The following LHX3 variants were observed in gnomAD, a reference collection of about 807,000 sequenced individuals.
LHX3 encodes LIM/homeobox protein Lhx3.
LHX3 carries 21 observed loss-of-function variants against 32.4 expected under a neutral mutation model. That is an observed-to-expected ratio of 0.65 (90% CI 0.46 to 0.93). The LOEUF (loss-of-function observed/expected upper bound fraction) is 0.93. LHX3 is among the 40% of genes least tolerant of loss of function. The pLI is 0.00. For synonymous variants in LHX3, 258 were observed against 246.8 expected (o/e 1.05, Z -0.43); for missense variants, 626 against 560.0 (o/e 1.12, Z -1.19).
In LHX3 at chr9:136,199,678, C is replaced by G. The variant is rs759511954; in HGVS notation, c.454G>C (p.Glu152Gln). 2.5e-6 allele frequency: 4 copies of G among 1,612,694 alleles called. No homozygotes were observed. The highest frequency in any genetic ancestry group is 2.5e-6 in the Non-Finnish European group (3 of 1,179,800). ...TGGGAGCGTCGTCCCCTCGGCTGAC[C>G]TCGCTGCTTGGCGGTTTCGTAGTCC... ...KADYETAKQR[E>Q]AEATAKRPRT... The change falls in exon 3 of 6, where the codon GAG (glutamate) becomes CAG (glutamine). Residue 152 changes from glutamate to glutamine, a missense_variant and splice_region_variant. Glu to Gln is a conservative substitution (Grantham distance 29). Coordinates refer to ENST00000371748, the MANE Select transcript of LHX3 (RefSeq NM_178138.6).
In LHX3 at chr9:136,196,974, T is replaced by G. The variant is rs1429344318; in HGVS notation, c.*351A>C. On this transcript the variant is annotated 3_prime_UTR_variant, in exon 6 of 6. Transcript: ENST00000371748. ...TCAGTTTTAGAGATGAAAGCGTTTT[T>G]CCAGCCCTCGGGCTATGCTGGGCTG... is the stretch of plus-strand genomic sequence containing the variant. The G allele has an allele frequency of 2.8e-6, 1 of 360,168 alleles. No homozygotes were observed. Among genetic ancestry groups the G allele is most frequent in the Non-Finnish European group, 5.1e-6 (1 of 196,274 alleles). 22.3% of individuals were successfully genotyped at this position (360,168 alleles called of 1,614,324 possible). A position where few individuals can be genotyped will look rare whatever the true frequency, so the allele number is the denominator to read the frequency against.
At chr9:136,198,221 A>AAGGGT (rs1224916245) in intron 5 of LHX3, among the ~76,000 whole-genome samples, 2 of 152,130 alleles carry the variant, frequency 1.3e-5, no homozygotes, top group African/African-American at 4.8e-5. Flanking sequence ...GGCCCCACAG[A>AAGGGT]AGGGTATGGA....
At chr9:136,201,132 A>T in intron 1 of LHX3, 2 of 1,394,756 alleles carry the variant, frequency 1.4e-6, no homozygotes, top group Non-Finnish European at 1.9e-6. Context: ...GAAGCCCGGC[A>T]GGAAACATAG....
chr9:136,200,524 A>C (rs547076597), intron 2 of LHX3, 58 bp downstream of exon 2: 1 of 1,552,236 alleles, frequency 6.4e-7, no homozygotes, highest in Non-Finnish European at 8.8e-7. Flanking sequence ...TGAGGGGAGG[A>C]GTCCCTGGGG....
intron 1 of LHX3, chr9:136,202,939 C>A: frequency 6.5e-7 from 1 of 1,532,274 alleles, no homozygotes; most frequent in African/African-American, 1.4e-5. Context: ...TCGGCCCGGG[C>A]ACCCACCTCG....
At chr9:136,199,264 G>A (rs897489831) in intron 3 of LHX3, among the ~76,000 whole-genome samples, 1 of 152,166 alleles carries the variant, frequency 6.6e-6, no homozygotes, top group Non-Finnish European at 1.5e-5. Context: ...GGCGCCGGCG[G>A]AGGGCGGGTT....
chr9:136,201,583 G>C (rs1328210232), intron 1 of LHX3: 6 of 1,040,306 alleles, frequency 5.8e-6, no homozygotes, highest in Non-Finnish European at 6.9e-6. Context: ...CTCTGGAAGA[G>C]AGGAGTGCCC....
rs950691765 is a variant in LHX3, at chr9:136,201,468, G to A, written c.80-715C>T. ...CTTCGGTACTGCAGGCCCCCTGGAG[G>A]AACCACACTGGGGAGGTCCAAGGGT... On this transcript the variant is annotated intron_variant, in intron 1 of 5. Coordinates refer to ENST00000371748, the MANE Select transcript of LHX3 (RefSeq NM_178138.6). The A allele has an allele frequency of 2.7e-5, 33 of 1,212,526 alleles. No individual in the cohort carries two copies. In the African/African-American group the frequency reaches 5.0e-4, roughly 18 times the overall value. The allele number at this position is 1,212,526 out of a possible 1,614,324, so 75.1% of individuals were successfully genotyped here.
chr9:136,198,765 C>G lies in LHX3; in HGVS notation c.662G>C (p.Arg221Pro), dbSNP rs1392683551. 2.5e-6 allele frequency: 4 copies of G among 1,611,230 alleles called. No homozygotes were observed. The highest frequency in any genetic ancestry group is 3.4e-6 in the Non-Finnish European group (4 of 1,179,800). ...GCGGAAATACTGCCCCCAGCGCTGC[C>G]GGCCGGCGTCCTTCTTCAGCCTCTT... The part of the protein sequence containing the change: ...KEKRLKKDAG[R>P]QRWGQYFRNM... The change falls in exon 5 of 6, where the codon CGG becomes CCG. Residue 221 changes from arginine to proline, a missense_variant. Transcript: ENST00000371748.
rs370894783 is a variant in LHX3 at position 136,197,366 on chromosome 9, G to C, written c.1153C>G (p.Pro385Ala). The C allele has an allele frequency of 3.7e-6, 6 of 1,611,940 alleles. No individual in the cohort carries two copies. In the African/African-American group the frequency reaches 6.7e-5, roughly 18 times the overall value. ...TCTACCTCATCCAGCCAGGAGGCGG[G>C]GCTGGCAGGGAAGTCGGGGTAACCC... The part of the protein sequence containing the change: ...SGGYPDFPAS[P>A]ASWLDEVDHA... The change falls in exon 6 of 6, where the codon CCC (proline) becomes GCC (alanine). Residue 385 changes from proline to alanine, a missense_variant. Transcript: ENST00000371748.
rs1481270384 is a variant in LHX3, at chr9:136,197,070, A to G, written c.*255T>C. Reference sequence around the variant, plus strand: ...AAGTGCTCAGTTAATTGGTCAATAAAGGGGAGAAATTTGCTTACAAAAAAG... The same window carrying G: ...AAGTGCTCAGTTAATTGGTCAATAAGGGGGAGAAATTTGCTTACAAAAAAG... On this transcript the variant is annotated 3_prime_UTR_variant, in exon 6 of 6. Coordinates refer to ENST00000371748, the MANE Select transcript of LHX3 (RefSeq NM_178138.6). 3.1e-5 allele frequency: 18 copies of G among 585,998 alleles called. No homozygotes were observed. The East Asian group carries it at 4.8e-4, about 16-fold the overall frequency. 36.3% of individuals were successfully genotyped at this position (585,998 alleles called of 1,614,324 possible).
intron 1 of LHX3, among the ~76,000 whole-genome samples, chr9:136,202,653 C>T (rs1355612589): frequency 6.6e-6 from 1 of 152,216 alleles, no homozygotes. Flanking sequence ...CCTGCGCCTC[C>T]TCCAGCCCAG....
chr9:136,197,495 T>A lies in LHX3; in HGVS notation c.1024A>T (p.Thr342Ser). Residue 342 changes from threonine (T) to serine (S), a missense_variant, in exon 6 of 6, where the codon ACC becomes TCC. Transcript: ENST00000371748. ...PLLSSLVYPDTSLGLVPSGAP... is the reference protein window; with the variant it reads ...PLLSSLVYPDSSLGLVPSGAP... ...CCCGAGGGCACAAGGCCCAAGCTGGTGTCTGGGTACACCAGGCTGGAGAGG... is the reference window on the plus strand; with the variant it reads ...CCCGAGGGCACAAGGCCCAAGCTGGAGTCTGGGTACACCAGGCTGGAGAGG... The A allele has an allele frequency of 6.4e-7, 1 of 1,555,496 alleles. No homozygotes were observed.
rs1831570596 is a variant in LHX3, at chr9:136,199,052, C to G, written c.462G>C (p.Glu154Asp). 4 of 1,548,520 alleles carry G rather than the reference C, an allele frequency of 2.6e-6. No homozygotes were observed. In the East Asian group the frequency reaches 1.0e-4, roughly 40 times the overall value. The change falls in exon 4 of 6, where the codon GAG becomes GAC. Residue 154 changes from glutamate (E) to aspartate (D), a missense_variant. By Grantham distance (45) the Glu-to-Asp change is conservative (BLOSUM62 2). Transcript: ENST00000371748. ...TCGTGCGCGGCCGCTTGGCCGTGGC[C>G]TCGGCCTCTGCGCGGCGGGCGAGCG... Reference protein sequence around the residue: ...DYETAKQREAEATAKRPRTTI... With the variant: ...DYETAKQREADATAKRPRTTI...
At chr9:136,204,739 A>T (rs1564286333) in intron 1 of LHX3, among the ~76,000 whole-genome samples, 195 bp downstream of exon 1, 1 of 151,094 alleles carries the variant, frequency 6.6e-6, no homozygotes. Flanking sequence ...GCTGTCCCGC[A>T]CTCTTGCAGG....
intron 1 of LHX3, chr9:136,202,828 G>T: frequency 8.3e-7 from 1 of 1,206,670 alleles, no homozygotes; most frequent in Non-Finnish European, 1.2e-6. Flanking sequence ...ACGTTCCGGG[G>T]TCCTCGCGCC....
In LHX3 at chr9:136,197,484, G is replaced by T. The variant is rs1253361965; in HGVS notation, c.1035C>A (p.Gly345=). 1.9e-6 allele frequency: 3 copies of T among 1,562,518 alleles called. No individual in the cohort carries two copies. Residue 345 remains glycine (G), a synonymous_variant, in exon 6 of 6, where the codon GGC becomes GGA. Coordinates refer to ENST00000371748, the MANE Select transcript of LHX3 (RefSeq NM_178138.6). The part of the protein sequence containing the change: ...SSLVYPDTSL[G]LVPSGAPGGP... Reference sequence around the variant, plus strand: ...CGCCGGGGGCTCCCGAGGGCACAAGGCCCAAGCTGGTGTCTGGGTACACCA... The same window carrying T: ...CGCCGGGGGCTCCCGAGGGCACAAGTCCCAAGCTGGTGTCTGGGTACACCA...
In LHX3 at chr9:136,200,687, C is replaced by A; in HGVS notation, c.146G>T (p.Arg49Leu). Residue 49 changes from arginine (R) to leucine (L), a missense_variant, in exon 2 of 6, where the codon CGC (arginine) becomes CTC (leucine). Coordinates refer to ENST00000371748, the MANE Select transcript of LHX3 (RefSeq NM_178138.6). ...CTTGAGACACTTGCTGTGCCAGTGG[C>A]GGTCCAGAGCCTTGAGGATGAAGCG... ...LDRFILKALDRHWHSKCLKCS... is the reference protein window; with the variant it reads ...LDRFILKALDLHWHSKCLKCS... 6.2e-7 allele frequency: 1 copy of A among 1,613,564 alleles called. No individual in the cohort carries two copies.
intron 1 of LHX3, chr9:136,201,712 G>C: frequency 2.0e-6 from 2 of 986,278 alleles, no homozygotes; most frequent in Non-Finnish European, 2.4e-6. Context: ...CTCGACCTCC[G>C]GCGGAAAAAA....
Sources: gnomAD v4.1 joint callset for allele counts (sites outside exome capture counted in the v4.1 genomes callset) on GRCh38, gnomAD v4.1.1 for gene constraint, MANE v1.5 for transcripts, NCBI Gene and HGNC (gene_info 2026-07-23, HGNC 2026-07-21) for gene names.